Variants in KNDC1 observed in about 807,000 individuals in gnomAD.
KNDC1 encodes kinase non-catalytic C-lobe domain-containing protein 1.
Under a neutral mutation model 172.8 loss-of-function variants are expected in KNDC1, and 106 were observed. The observed-to-expected ratio is 0.61, with a 90% CI of 0.52 to 0.72. The LOEUF is 0.72. KNDC1 is among the 30% of genes least tolerant of loss of function. The pLI is 0.00. For missense variants in KNDC1, 2,325 were observed against 2,394.5 expected (o/e 0.97, Z 0.61); for synonymous variants, 1,083 against 1,062.2 (o/e 1.02, Z -0.38).
chr10:133,184,421 CAT>C (rs1853831470), intron 5 of KNDC1, among the ~76,000 whole-genome samples: 1 of 43,410 alleles, frequency 2.3e-5, no homozygotes, highest in Non-Finnish European at 6.5e-5. Context: ...CCCACTCACA[CAT>C]TCAGAGATCA....
At chr10:133,161,012 C>T (rs542953767) in intron 1 of KNDC1, among the ~76,000 whole-genome samples, 4 of 152,036 alleles carry the variant, frequency 2.6e-5, no homozygotes, top group Non-Finnish European at 5.9e-5. Context: ...GGATGACTGC[C>T]CCCCGAGACT....
chr10:133,184,083 CA>C, intron 5 of KNDC1, 94 bp downstream of exon 5: 1 of 667,612 alleles, frequency 1.5e-6, no homozygotes, highest in East Asian at 2.7e-5. Context: ...CACCCATGCA[CA>C]CACACACACT....
intron 6 of KNDC1, among the ~76,000 whole-genome samples, chr10:133,187,634 C>T (rs939183356): frequency 6.6e-5 from 10 of 152,240 alleles, no homozygotes; most frequent in African/African-American, 2.4e-4. Flanking sequence ...GAAGGGCACA[C>T]GGAGGCACAG....
chr10:133,220,178 A>T lies in KNDC1; in HGVS notation c.5018+66A>T, dbSNP rs569361890. On this transcript the variant is annotated intron_variant, in intron 29 of 29. Transcript: ENST00000304613. ...GGGCTCAGGCGGGCGCGCGCCCAGG[A>T]GAGGAGGGGCTCAGGCGGCCGCGCG... 1.4e-3 allele frequency: 1,732 copies of T among 1,228,798 alleles called. 18 individuals carry two copies. The African/African-American group carries it at 0.024, about 17-fold the overall frequency. The allele number at this position is 1,228,798 out of a possible 1,614,324, so 76.1% of individuals were successfully genotyped here. A position where few individuals can be genotyped will look rare whatever the true frequency, so the allele number is the denominator to read the frequency against.
rs370700626 is a variant in KNDC1, at chr10:133,198,486, G to A, written c.2056G>A (p.Ala686Thr). The change falls in exon 13 of 30, where the codon GCA (alanine) becomes ACA (threonine). Residue 686 changes from alanine to threonine, a missense_variant. Transcript: ENST00000304613. ...CAAGCCCATTGTCCTCGCGCAGAAC[G>A]CAAGTGTGGCCAGGTGAGCATCGTC... ...HFKPIVLAQN[A>T]SVARDQPALA... 73 of 1,604,660 alleles carry A rather than the reference G, an allele frequency of 4.5e-5. No homozygotes were observed. Among genetic ancestry groups the A allele is most frequent in the African/African-American group, 4.0e-4 (30 of 74,814 alleles).
intron 10 of KNDC1, among the ~76,000 whole-genome samples, chr10:133,196,829 T>C (rs542415594): frequency 3.7e-4 from 56 of 152,284 alleles, no homozygotes; most frequent in African/African-American, 1.1e-3. Context: ...ACGCTGGGTT[T>C]GGGATTCTGC....
At chr10:133,200,910 G>C (rs1854345446) in intron 16 of KNDC1, among the ~76,000 whole-genome samples, 1 of 152,226 alleles carries the variant, frequency 6.6e-6, no homozygotes, top group African/African-American at 2.4e-5. Flanking sequence ...CCAGGCTGGG[G>C]ACGTCCCAGC....
chr10:133,198,325 C>T lies in KNDC1; in HGVS notation c.1907-12C>T. ...TCCGCCCGCCCACACCCTCAGCCCC[C>T]TGGCTCCCCAGGCTTCCTGCCGGTG... is the stretch of plus-strand genomic sequence containing the variant. On this transcript the variant is annotated splice_polypyrimidine_tract_variant and intron_variant, in intron 12 of 29. Transcript: ENST00000304613. 1.3e-6 allele frequency: 2 copies of T among 1,557,786 alleles called. No individual in the cohort carries two copies. The highest frequency in any genetic ancestry group is 1.7e-6 in the Non-Finnish European group (2 of 1,152,698).
In KNDC1 at chr10:133,205,889, A is replaced by T. The variant is rs190658251; in HGVS notation, c.3388-796A>T. Among the ~76,000 whole-genome samples, 599 of 152,248 alleles carry T rather than the reference A, an allele frequency of 3.9e-3. 3 individuals carry two copies. Among genetic ancestry groups the T allele is most frequent in the East Asian group, 5.6e-3 (29 of 5,190 alleles). Reference sequence around the variant, plus strand: ...CATCTCAAAAAATAAAAAATAAAATAAAATTAAAAAGTCAATAAAAATAAA... The same window carrying T: ...CATCTCAAAAAATAAAAAATAAAATTAAATTAAAAAGTCAATAAAAATAAA... On this transcript the variant is annotated intron_variant, in intron 17 of 29. Coordinates refer to ENST00000304613, the MANE Select transcript of KNDC1 (RefSeq NM_152643.8).
chr10:133,187,644 G>C (rs1412898472), intron 6 of KNDC1, among the ~76,000 whole-genome samples: 1 of 152,226 alleles, frequency 6.6e-6, no homozygotes, highest in Non-Finnish European at 1.5e-5. Context: ...CGGAGGCACA[G>C]GGTGGCCGAG....
rs765401821 is a variant in KNDC1, at chr10:133,224,892, C to T, written c.*2C>T. On this transcript the variant is annotated 3_prime_UTR_variant, in exon 30 of 30. Transcript: ENST00000304613. This position sits in a 1 kb window ranked among gnomAD's most constrained non-coding sequence, Gnocchi z 5.4. The stretch of plus-strand genomic sequence containing the variant: ...AGGATGAAGGCTACATTCCAGTAGC[C>T]GAGCTCGGGCCTGGTGTGGAATTCC... The T allele has an allele frequency of 6.8e-6, 11 of 1,607,652 alleles. No homozygotes were observed. The highest frequency in any genetic ancestry group is 5.3e-5 in the African/African-American group (4 of 74,792).
At chr10:133,200,534 G>A (rs1464467509) in intron 16 of KNDC1, 74 bp downstream of exon 16, 30 of 1,162,670 alleles carry the variant, frequency 2.6e-5, no homozygotes, top group East Asian at 1.3e-4. Context: ...TGCGGGGGGC[G>A]CCCCAGGGTC....
In KNDC1 at chr10:133,181,834, C is replaced by CACACACA. The variant is rs1564881077; in HGVS notation, c.361-1510_361-1509insACACACA. Among the ~76,000 whole-genome samples the CACACACA allele has an allele frequency of 1.4e-3, 189 of 138,886 alleles. 6 individuals carry two copies. In the South Asian group the frequency reaches 0.022, roughly 16 times the overall value. 91.1% of individuals were successfully genotyped at this position (138,886 alleles called of 152,430 possible). A position where few individuals can be genotyped will look rare whatever the true frequency, so the allele number is the denominator to read the frequency against. ...CCAGACCAGGAAGCCCCAGGACCGT[C>CACACACA]CACACACACACACACACACACACAC... On this transcript the variant is annotated intron_variant, in intron 3 of 29. Transcript: ENST00000304613.
chr10:133,213,839 G>A (rs551178004), intron 25 of KNDC1, 112 bp downstream of exon 25: 13 of 1,429,150 alleles, frequency 9.1e-6, no homozygotes, highest in East Asian at 4.6e-5. Context: ...CTCCAGAGAC[G>A]CGAGAGAGTG....
chr10:133,213,840 CG>C (rs1354352013), intron 25 of KNDC1, 113 bp downstream of exon 25: 37 of 1,434,752 alleles, frequency 2.6e-5, no homozygotes, highest in Non-Finnish European at 3.4e-5. Context: ...TCCAGAGACG[CG>C]AGAGAGTGGT....
chr10:133,223,560 T>A (rs1845655489), intron 29 of KNDC1, among the ~76,000 whole-genome samples: 3 of 59,586 alleles, frequency 5.0e-5, no homozygotes, highest in Admixed American at 1.8e-4. Context: ...TGCGTGTGTG[T>A]GAGAGCCCAT....
chr10:133,224,473 C>T lies in KNDC1; in HGVS notation c.5019-186C>T, dbSNP rs1482230864. Among the ~76,000 whole-genome samples, 1 of 152,146 alleles carries T rather than the reference C, an allele frequency of 6.6e-6. No homozygotes were observed. Among genetic ancestry groups the T allele is most frequent in the Non-Finnish European group, 1.5e-5 (1 of 68,034 alleles). ...AAATGTGGATGGATGGACAGTCAGACAGACGGAAAGGTCTGAGTAGTGACC... is the reference window on the plus strand; with the variant it reads ...AAATGTGGATGGATGGACAGTCAGATAGACGGAAAGGTCTGAGTAGTGACC... On this transcript the variant is annotated intron_variant, in intron 29 of 29. Transcript: ENST00000304613. This position sits in a 1 kb window ranked among gnomAD's most constrained non-coding sequence, Gnocchi z 5.4.
chr10:133,186,344 C>A lies in KNDC1; in HGVS notation c.996C>A (p.Pro332=), dbSNP rs768694481. 1 of 1,612,702 alleles carries A rather than the reference C, an allele frequency of 6.2e-7. No homozygotes were observed. The highest frequency in any genetic ancestry group is 8.5e-7 in the Non-Finnish European group (1 of 1,179,952). The change falls in exon 6 of 30, where the codon CCC becomes CCA. Residue 332 remains proline (P), a synonymous_variant. Transcript: ENST00000304613. ...TGACCCGCGGGAAAAGCCAGCTGCCCATATCGGAATTATTCTCTCCGGACC... is the reference window on the plus strand; with the variant it reads ...TGACCCGCGGGAAAAGCCAGCTGCCAATATCGGAATTATTCTCTCCGGACC... The part of the protein sequence containing the change: ...LPLTRGKSQL[P]ISELFSPDPR...
chr10:133,220,789 C>T (rs2998122), intron 29 of KNDC1, among the ~76,000 whole-genome samples: 2 of 30,980 alleles, frequency 6.5e-5, no homozygotes, highest in East Asian at 2.3e-3. Context: ...GCCCAGGAGA[C>T]GAGGGGCTCA....
Sources: allele counts gnomAD v4.1 joint callset (sites outside exome capture counted in the v4.1 genomes callset), GRCh38; gene constraint gnomAD v4.1.1; non-coding constraint Gnocchi (gnomAD v3.1); transcripts MANE v1.5; gene names NCBI Gene and HGNC (gene_info 2026-07-23, HGNC 2026-07-21).